The following BCL2 variants were observed in gnomAD, a reference collection of about 807,000 sequenced individuals.
BCL2 encodes the protein apoptosis regulator Bcl-2.
A neutral mutation model predicts 14.2 loss-of-function variants in BCL2; 1 was observed. The observed-to-expected ratio is 0.07, with a 90% CI of 0.02 to 0.33. The LOEUF (loss-of-function observed/expected upper bound fraction) is 0.33. Ranked by LOEUF, BCL2 falls within the 10% of genes least tolerant of loss-of-function variation. BCL2 has a pLI of 0.99. For synonymous variants in BCL2, 151 were observed against 137.2 expected, an observed-to-expected ratio of 1.10 and a Z score of -0.70; for missense variants, 247 against 305.9, an observed-to-expected ratio of 0.81 and a Z score of 1.44.
chr18:63,193,697 G>T (rs11152372), intron 2 of BCL2, among the ~76,000 whole-genome samples: 90,550 of 150,882 alleles, frequency 0.6, 28,160 homozygotes, highest in Non-Finnish European at 0.69. Flanking sequence ...CCGTATCCAT[G>T]CATCTGTGAA....
At chr18:63,253,156 G>C (rs552346672) in intron 2 of BCL2, among the ~76,000 whole-genome samples, 23 of 152,150 alleles carry the variant, frequency 1.5e-4, no homozygotes, top group Admixed American at 3.9e-4. Flanking sequence ...ACTCATAAAC[G>C]CATTTAAAGC....
chr18:63,138,207 C>T (rs1048546280), intron 2 of BCL2, among the ~76,000 whole-genome samples: 3 of 152,240 alleles, frequency 2.0e-5, no homozygotes, highest in African/African-American at 2.4e-5. Context: ...GCCGCACTGG[C>T]GGCTGGGAGT....
At chr18:63,243,023 C>T (rs1404680044) in intron 2 of BCL2, among the ~76,000 whole-genome samples, 1 of 152,144 alleles carries the variant, frequency 6.6e-6, no homozygotes, top group Non-Finnish European at 1.5e-5. Flanking sequence ...GTATGTTCTT[C>T]AAGGCGAAAA....
intron 2 of BCL2, among the ~76,000 whole-genome samples, chr18:63,296,940 C>T (rs970899304): frequency 6.6e-6 from 1 of 152,168 alleles, no homozygotes; most frequent in Non-Finnish European, 1.5e-5. Context: ...CGGCCCCGCA[C>T]GGTGGCTCAC....
At chr18:63,197,272 G>T in intron 2 of BCL2, among the ~76,000 whole-genome samples, 1 of 152,138 alleles carries the variant, frequency 6.6e-6, no homozygotes, top group East Asian at 1.9e-4. Context: ...CTGACAAATC[G>T]TTCACTTTCT....
At chr18:63,178,355 G>A (rs1170591516) in intron 2 of BCL2, among the ~76,000 whole-genome samples, 1 of 152,130 alleles carries the variant, frequency 6.6e-6, no homozygotes, top group Non-Finnish European at 1.5e-5. Context: ...AGATGGAAGC[G>A]CGTCTCAGGG....
chr18:63,237,960 T>C (rs1910888520), intron 2 of BCL2, among the ~76,000 whole-genome samples: 1 of 151,490 alleles, frequency 6.6e-6, no homozygotes, highest in Non-Finnish European at 1.5e-5. Context: ...TTTTTTCCTC[T>C]TTCTTCTGGC....
chr18:63,297,106 G>A (rs936572286), intron 2 of BCL2, among the ~76,000 whole-genome samples: 1 of 152,102 alleles, frequency 6.6e-6, no homozygotes, highest in South Asian at 2.1e-4. Context: ...CCAGCTGCTT[G>A]GGAGGCTGAG....
chr18:63,243,196 A>G (rs1159728698), intron 2 of BCL2, among the ~76,000 whole-genome samples: 1 of 152,224 alleles, frequency 6.6e-6, no homozygotes, highest in Non-Finnish European at 1.5e-5. Flanking sequence ...AAAGAATTAG[A>G]TCATGTCTTT....
At chr18:63,285,156 G>A (rs1294510741) in intron 2 of BCL2, among the ~76,000 whole-genome samples, 2 of 152,200 alleles carry the variant, frequency 1.3e-5, no homozygotes, top group Non-Finnish European at 2.9e-5. Context: ...CTGGAGAGAA[G>A]GGGCTGGAAT....
At chr18:63,259,817 A>G (rs968639768) in intron 2 of BCL2, among the ~76,000 whole-genome samples, 3 of 152,242 alleles carry the variant, frequency 2.0e-5, no homozygotes, top group Non-Finnish European at 4.4e-5. Flanking sequence ...TCTATATTGA[A>G]CAGAAAGAAT....
chr18:63,293,470 T>TA (rs1568260790), intron 2 of BCL2, among the ~76,000 whole-genome samples: 2 of 152,364 alleles, frequency 1.3e-5, no homozygotes, highest in South Asian at 4.1e-4. Flanking sequence ...CTCTATGAGA[T>TA]ATCTTCCACT....
At chr18:63,247,335 A>T (rs574569060) in intron 2 of BCL2, among the ~76,000 whole-genome samples, 3 of 143,080 alleles carry the variant, frequency 2.1e-5, no homozygotes, top group South Asian at 4.2e-4. Context: ...AGTAGCTGGG[A>T]TTATAGGCGC....
chr18:63,259,866 A>AG (rs1911604419), intron 2 of BCL2, among the ~76,000 whole-genome samples: 1 of 152,264 alleles, frequency 6.6e-6, no homozygotes, highest in South Asian at 2.1e-4. Flanking sequence ...TCTCCCTTCC[A>AG]GACCCTCATA....
intron 2 of BCL2, among the ~76,000 whole-genome samples, chr18:63,179,595 C>T (rs1025127442): frequency 3.9e-5 from 6 of 152,174 alleles, no homozygotes; most frequent in Middle Eastern, 3.4e-3. Context: ...TGTTGCGGTG[C>T]GGAAGGCAGG....
At chr18:63,198,363 CACACTGACAT>C (rs1909517485) in intron 2 of BCL2, among the ~76,000 whole-genome samples, 1 of 149,830 alleles carries the variant, frequency 6.7e-6, no homozygotes, top group African/African-American at 2.5e-5. Context: ...CACACAGACA[CACACTGACAT>C]AGACACACAC....
chr18:63,233,484 G>A (rs1910741984), intron 2 of BCL2, among the ~76,000 whole-genome samples: 1 of 152,108 alleles, frequency 6.6e-6, no homozygotes, highest in African/African-American at 2.4e-5. Context: ...CGGGGGTGGG[G>A]GATGGTTTCA....
chr18:63,266,637 T>TCTCTCTCTCTCTCACACACACA (rs1491465885), intron 2 of BCL2, among the ~76,000 whole-genome samples: 81 of 85,926 alleles, frequency 9.4e-4, no homozygotes, highest in African/African-American at 2.9e-3. Flanking sequence ...TCTCTCTCTC[T>TCTCTCTCTCTCTCACACACACA]CACACACACA....
In BCL2 at chr18:63,205,665, A is replaced by G. The variant is rs190301622; in HGVS notation, c.586-76906T>C. 1.8e-3 allele frequency among the ~76,000 whole-genome samples: 279 copies of G among 152,340 alleles called. 2 individuals are homozygous for G. Among genetic ancestry groups the G allele is most frequent in the Non-Finnish European group, 2.3e-3 (154 of 68,026 alleles). On this transcript the variant is annotated intron_variant, in intron 2 of 2. Transcript: ENST00000333681. ...AAAACAACCTCCTCTATTTAAAAAAACAACAACATTTGACTAGAGGGGGTC... is the reference window on the plus strand; with the variant it reads ...AAAACAACCTCCTCTATTTAAAAAAGCAACAACATTTGACTAGAGGGGGTC...
Sources: gnomAD v4.1 joint callset for allele counts (sites outside exome capture counted in the v4.1 genomes callset) on GRCh38, gnomAD v4.1.1 for gene constraint, MANE v1.5 for transcripts, NCBI Gene and HGNC (gene_info 2026-07-23, HGNC 2026-07-21) for gene names.